The following PCDH11X variants were observed in gnomAD, a reference collection of about 807,000 sequenced individuals.
PCDH11X encodes protocadherin-11 X-linked.
PCDH11X carries 18 observed loss-of-function variants against 53.3 expected under a neutral mutation model. The ratio of observed to expected loss-of-function variants is 0.34; its 90% CI spans 0.23 to 0.50. The LOEUF is 0.50. PCDH11X is among the 20% of genes least tolerant of loss of function. The probability of loss-of-function intolerance (pLI) is 0.98; values close to 1 mark genes in which losing one functional copy is unlikely to be tolerated. For synonymous variants in PCDH11X, 279 were observed against 393.3 expected (o/e 0.71, Z 3.44); for missense variants, 570 against 1,032.4 (o/e 0.55, Z 6.14).
At chrX:92,339,357 T>C (rs1362025401) in intron 8 of PCDH11X, among the ~76,000 whole-genome samples, 2 of 112,270 alleles carry the variant, frequency 1.8e-5, no homozygotes, top group Non-Finnish European at 3.8e-5. Flanking sequence ...ACATTTGTCT[T>C]GGGAAAGAAT....
chrX:92,391,311 G>A (rs1050888485), intron 9 of PCDH11X, among the ~76,000 whole-genome samples: 3 of 110,157 alleles, frequency 2.7e-5, no homozygotes, highest in Admixed American at 9.8e-5. Flanking sequence ...GATAATGTCC[G>A]CATTTTCAAA....
chrX:92,089,510 G>A (rs190581070), intron 6 of PCDH11X, among the ~76,000 whole-genome samples: 178 of 111,546 alleles, frequency 1.6e-3, no homozygotes, highest in African/African-American at 5.3e-3. Context: ...ACTACCATAA[G>A]TAAATTATTT....
At chrX:91,875,941 G>A (rs1273754518) in intron 5 of PCDH11X, among the ~76,000 whole-genome samples, 1 of 109,771 alleles carries the variant, frequency 9.1e-6, no homozygotes, top group Non-Finnish European at 1.9e-5. Context: ...TTTTATTTTG[G>A]TGCTTACTTT....
chrX:92,613,291 G>A (rs983421926), intron 10 of PCDH11X, among the ~76,000 whole-genome samples: 3 of 110,906 alleles, frequency 2.7e-5, no homozygotes, highest in Non-Finnish European at 5.7e-5. Flanking sequence ...CTGGCCTGAT[G>A]GTAACAAAGT....
intron 10 of PCDH11X, among the ~76,000 whole-genome samples, chrX:92,505,283 G>C (rs748202287): frequency 1.1e-5 from 1 of 93,976 alleles, no homozygotes; most frequent in Admixed American, 1.3e-4. Context: ...CAGGGCCTAC[G>C]TCCTGAGTGG....
chrX:92,164,692 A>G (rs1260049260), intron 6 of PCDH11X, among the ~76,000 whole-genome samples: 4 of 107,919 alleles, frequency 3.7e-5, no homozygotes, highest in African/African-American at 6.7e-5. Flanking sequence ...CAAGAATTCT[A>G]TATATATTAT....
In PCDH11X at chrX:92,387,807, C is replaced by G. The variant is rs1356670827; in HGVS notation, c.3217C>G (p.His1073Asp). ...ESSSDGGLGD[H>D]DAGSLTSTSH... ...CAGCAGTGATGGTGGACTGGGAGAC[C>G]ATGATGCAGGCAGCCTTACCAGCAC... The change falls in exon 9 of 11, where the codon CAT becomes GAT. Residue 1073 changes from histidine (H) to aspartate (D), a missense_variant. This residue lies in a region of PCDH11X where 234 missense variants were observed against 296.1 expected (regional missense o/e 0.79). Coordinates refer to ENST00000682573, the MANE Select transcript of PCDH11X (RefSeq NM_032968.5). 8.3e-7 allele frequency: 1 copy of G among 1,211,804 alleles called. No individual in the cohort carries two copies. Among genetic ancestry groups the G allele is most frequent in the Non-Finnish European group, 1.1e-6 (1 of 895,459 alleles).
rs972783605 is a variant in PCDH11X, at chrX:92,194,808, C to A, written c.3034-6567C>A. Among the ~76,000 whole-genome samples, 7 of 110,702 alleles carry A rather than the reference C, an allele frequency of 6.3e-5. No homozygotes were observed. The East Asian group carries it at 2.0e-3, about 31-fold the overall frequency. ...GGCTTGTCAGGATCAGAGTTCTGCA[C>A]AGAAACATTAAGAGATTTTGCACTG... On this transcript the variant is annotated intron_variant, in intron 6 of 10. Transcript: ENST00000682573.
intron 6 of PCDH11X, among the ~76,000 whole-genome samples, chrX:91,998,858 T>G (rs2062462218): frequency 9.0e-6 from 1 of 111,381 alleles, no homozygotes; most frequent in Admixed American, 9.6e-5. Context: ...AAATAATCTA[T>G]TTCCTGATTG....
At chrX:92,299,046 C>T (rs1349379092) in intron 8 of PCDH11X, among the ~76,000 whole-genome samples, 2 of 111,264 alleles carry the variant, frequency 1.8e-5, no homozygotes, top group Non-Finnish European at 3.8e-5. Flanking sequence ...GGGTGATTAC[C>T]CTTATCTCGT....
chrX:92,299,550 G>A lies in PCDH11X; in HGVS notation c.3144+36407G>A, dbSNP rs1166720266. Among the ~76,000 whole-genome samples, 25 of 111,507 alleles carry A rather than the reference G, an allele frequency of 2.2e-4. No homozygotes were observed. The East Asian group carries it at 6.9e-3, about 31-fold the overall frequency. On this transcript the variant is annotated intron_variant, in intron 8 of 10. Transcript: ENST00000682573. ...GGTTTAGTCTTGAGAGGTTGTATGTGTCAAACAAGTTATCCATTTCTTTCA... is the reference window on the plus strand; with the variant it reads ...GGTTTAGTCTTGAGAGGTTGTATGTATCAAACAAGTTATCCATTTCTTTCA...
intron 6 of PCDH11X, among the ~76,000 whole-genome samples, chrX:92,137,322 A>C (rs139933304): frequency 1.8e-5 from 2 of 111,696 alleles, no homozygotes; most frequent in East Asian, 5.7e-4. Flanking sequence ...TAAAAAAGTC[A>C]TCTTGGAGAG....
chrX:91,921,908 G>T (rs12857952), intron 6 of PCDH11X, among the ~76,000 whole-genome samples: 18,707 of 110,265 alleles, frequency 0.17, 1,255 homozygotes, highest in East Asian at 0.23. Flanking sequence ...AGTGGCTATA[G>T]ATTCTCTTTC....
intron 6 of PCDH11X, among the ~76,000 whole-genome samples, chrX:91,910,890 TC>T (rs1272159530): frequency 9.0e-6 from 1 of 111,380 alleles, no homozygotes; most frequent in East Asian, 2.8e-4. Context: ...ATATTATTCA[TC>T]ATTATGAGAT....
At chrX:91,886,970 CA>C (rs1179014012) in intron 6 of PCDH11X, among the ~76,000 whole-genome samples, 611 of 50,684 alleles carry the variant, frequency 0.012, 5 homozygotes, top group African/African-American at 0.049. Flanking sequence ...GACTCCATCT[CA>C]AAAAAAAAAA....
intron 6 of PCDH11X, among the ~76,000 whole-genome samples, chrX:92,153,945 T>C (rs1198458313): frequency 9.0e-6 from 1 of 111,504 alleles, no homozygotes; most frequent in African/African-American, 3.3e-5. Context: ...AACAAAAAGA[T>C]AGTTATTACT....
intron 8 of PCDH11X, among the ~76,000 whole-genome samples, chrX:92,340,448 G>C (rs1225853621): frequency 8.9e-6 from 1 of 112,074 alleles, no homozygotes; most frequent in Non-Finnish European, 1.9e-5. Flanking sequence ...AGCTTCTGCT[G>C]GAGCACTCAG....
intron 6 of PCDH11X, among the ~76,000 whole-genome samples, chrX:92,011,879 CA>C (rs2062697827): frequency 9.1e-6 from 1 of 109,965 alleles, no homozygotes; most frequent in Non-Finnish European, 1.9e-5. Flanking sequence ...AGTGACTTGC[CA>C]AAAATCCAAA....
chrX:92,278,351 C>G (rs1421732479), intron 8 of PCDH11X, among the ~76,000 whole-genome samples: 1 of 111,904 alleles, frequency 8.9e-6, no homozygotes, highest in Non-Finnish European at 1.9e-5. Flanking sequence ...ATCTGAGTCA[C>G]AGCACCAAAT....
Sources: gnomAD v4.1 joint callset for allele counts (sites outside exome capture counted in the v4.1 genomes callset) on GRCh38, gnomAD v4.1.1 for gene constraint, gnomAD v4.1.1 regional missense constraint, MANE v1.5 for transcripts, NCBI Gene and HGNC (gene_info 2026-07-23, HGNC 2026-07-21) for gene names.